The following ATXN2 variants were observed in gnomAD, a reference collection of about 807,000 sequenced individuals.
ATXN2 encodes ataxin 2.
In ATXN2, 37 loss-of-function variants were observed where a neutral mutation model predicts 138.6. The ratio of observed to expected loss-of-function variants is 0.27; its 90% confidence interval spans 0.21 to 0.35. The LOEUF is 0.35. Ranked by LOEUF, ATXN2 falls within the 10% of genes least tolerant of loss-of-function variation. The pLI, the probability that ATXN2 is intolerant of heterozygous loss-of-function variation, is 1.00. For missense variants in ATXN2, 1,216 were observed against 1,480.3 expected (o/e 0.82, Z 2.93); for synonymous variants, 549 against 543.7 (o/e 1.01, Z -0.13).
At chr12:111,585,639 T>C (rs1415142477) in intron 1 of ATXN2, among the ~76,000 whole-genome samples, 2 of 151,578 alleles carry the variant, frequency 1.3e-5, no homozygotes, top group African/African-American at 4.8e-5. Flanking sequence ...ACCCCGTCTC[T>C]ACTAAAAATA....
intron 18 of ATXN2, among the ~76,000 whole-genome samples, chr12:111,480,650 A>G (rs762663504): frequency 6.6e-5 from 10 of 152,180 alleles, no homozygotes; most frequent in African/African-American, 2.4e-4. Flanking sequence ...CATCAGAGCG[A>G]CACTCCATCT....
At chr12:111,536,768 C>T (rs564073000) in intron 5 of ATXN2, among the ~76,000 whole-genome samples, 1 of 151,114 alleles carries the variant, frequency 6.6e-6, no homozygotes, top group African/African-American at 2.4e-5. Context: ...AAACCTATGT[C>T]CACACGCAGT....
intron 1 of ATXN2, among the ~76,000 whole-genome samples, chr12:111,565,883 C>T (rs1196188989): frequency 1.3e-5 from 2 of 151,902 alleles, no homozygotes; most frequent in South Asian, 2.1e-4. Flanking sequence ...GTAATCCCAG[C>T]TACTCAGTAA....
intron 1 of ATXN2, among the ~76,000 whole-genome samples, chr12:111,562,069 C>T (rs1723932579): frequency 6.6e-6 from 1 of 151,806 alleles, no homozygotes; most frequent in Admixed American, 6.6e-5. Context: ...CCTCGGCCTT[C>T]CAAAGTGCTG....
At chr12:111,461,454 G>C (rs563429575) in intron 21 of ATXN2, 1 of 151,054 alleles carries the variant, frequency 6.6e-6, no homozygotes, top group South Asian at 2.1e-4. Flanking sequence ...TGGGCAACAA[G>C]AGCGAAACTC....
chr12:111,514,127 G>A (rs1297739312), intron 10 of ATXN2, among the ~76,000 whole-genome samples: 2 of 151,812 alleles, frequency 1.3e-5, no homozygotes, highest in Non-Finnish European at 1.5e-5. Flanking sequence ...TTTAAAACTC[G>A]GCTTAAAACA....
chr12:111,488,455 C>T (rs1566020321), intron 15 of ATXN2, 21 bp downstream of exon 15: 14 of 1,586,968 alleles, frequency 8.8e-6, no homozygotes, highest in Non-Finnish European at 1.2e-5. Flanking sequence ...ACAGGATGGT[C>T]TAAGTTCCAG....
At chr12:111,504,918 G>T (rs1169349463) in intron 14 of ATXN2, among the ~76,000 whole-genome samples, 3 of 152,142 alleles carry the variant, frequency 2.0e-5, no homozygotes, top group African/African-American at 7.2e-5. Context: ...AGGGCTCTTG[G>T]ATCTTGCACA....
chr12:111,480,959 T>C (rs1052335726), intron 18 of ATXN2, among the ~76,000 whole-genome samples: 1 of 152,078 alleles, frequency 6.6e-6, no homozygotes, highest in Non-Finnish European at 1.5e-5. Flanking sequence ...AACAGATAAA[T>C]TGAACTTCAT....
In ATXN2 at chr12:111,552,765, T is replaced by C. The variant is rs1882189381; in HGVS notation, c.420+141A>G. 1 of 614,518 alleles carries C rather than the reference T, an allele frequency of 1.6e-6. No individual in the cohort carries two copies. The highest frequency in any genetic ancestry group is 2.7e-6 in the Non-Finnish European group (1 of 370,240). 38.1% of individuals were successfully genotyped at this position (614,518 alleles called of 1,614,324 possible). ...CACACACATCAAGAAGCCTCTCTGA[T>C]TACACAAACCAGTCTATAAAATAAT... On this transcript the variant is annotated intron_variant, in intron 4 of 24. Transcript: ENST00000673436. The surrounding 1 kb of genome is among the most constrained non-coding windows in gnomAD (Gnocchi z 4.1).
chr12:111,541,215 A>G (rs944103108), intron 5 of ATXN2, among the ~76,000 whole-genome samples: 1 of 149,812 alleles, frequency 6.7e-6, no homozygotes, highest in African/African-American at 2.4e-5. Context: ...TTTGTCCCCA[A>G]TGTCCCAGAA....
intron 1 of ATXN2, among the ~76,000 whole-genome samples, chr12:111,563,893 T>C (rs1295119319): frequency 1.3e-5 from 2 of 152,206 alleles, no homozygotes; most frequent in Non-Finnish European, 2.9e-5. Flanking sequence ...GATGCTGTTT[T>C]CAACTCTCCA....
At chr12:111,547,005 T>C (rs751488866) in intron 5 of ATXN2, among the ~76,000 whole-genome samples, 1 of 152,244 alleles carries the variant, frequency 6.6e-6, no homozygotes, top group Non-Finnish European at 1.5e-5. Context: ...CACTGTACCG[T>C]AAGAAGTCAC....
At chr12:111,540,866 T>G (rs1881461919) in intron 5 of ATXN2, among the ~76,000 whole-genome samples, 1 of 149,764 alleles carries the variant, frequency 6.7e-6, no homozygotes, top group African/African-American at 2.4e-5. Flanking sequence ...GACTAATTTT[T>G]TTGTATTTTT....
chr12:111,566,796 C>T (rs946733159), intron 1 of ATXN2, among the ~76,000 whole-genome samples: 4 of 152,072 alleles, frequency 2.6e-5, no homozygotes, highest in Non-Finnish European at 4.4e-5. Context: ...GCCACCACAT[C>T]CCCGCTAATT....
At position 111,516,488 on chromosome 12, in the gene ATXN2, G is replaced by A. The variant is rs1233136193; in HGVS notation, c.1166-125C>T. On this transcript the variant is annotated intron_variant, in intron 9 of 24. Transcript: ENST00000673436. The surrounding 1 kb of genome is among the most constrained non-coding windows in gnomAD (Gnocchi z 5.0). ...TGTACATTTTAACCCTTTGAGGACA[G>A]TCATTTGATTTGTGATAAGTTTTAG... is the stretch of plus-strand genomic sequence containing the variant. The A allele has an allele frequency of 1.5e-5, 14 of 906,334 alleles. No homozygotes were observed. The highest frequency in any genetic ancestry group is 2.3e-5 in the Non-Finnish European group (14 of 608,906). 56.1% of individuals were successfully genotyped at this position (906,334 alleles called of 1,614,324 possible). A position where few individuals can be genotyped will look rare whatever the true frequency, so the allele number is the denominator to read the frequency against.
intron 1 of ATXN2, among the ~76,000 whole-genome samples, chr12:111,570,967 T>C (rs781692356): frequency 2.0e-5 from 3 of 152,374 alleles, no homozygotes; most frequent in Non-Finnish European, 4.4e-5. Context: ...TAGTTTCTAC[T>C]GGTTTCCAAA....
intron 6 of ATXN2, 67 bp from the exon 7 acceptor site, chr12:111,521,040 CAACAT>C: frequency 9.9e-7 from 1 of 1,014,422 alleles, no homozygotes; most frequent in Non-Finnish European, 1.5e-6. Context: ...CAGTTATAAC[CAACAT>C]CTATATTAAC....
chr12:111,529,660 A>C (rs1880703659), intron 5 of ATXN2, among the ~76,000 whole-genome samples: 1 of 152,128 alleles, frequency 6.6e-6, no homozygotes, highest in Non-Finnish European at 1.5e-5. Context: ...CCAACGTGTG[A>C]ACCTCTTCTG....
Sources: allele counts gnomAD v4.1 joint callset (sites outside exome capture counted in the v4.1 genomes callset), GRCh38; gene constraint gnomAD v4.1.1; non-coding constraint Gnocchi (gnomAD v3.1); transcripts MANE v1.5; gene names NCBI Gene and HGNC (gene_info 2026-07-23, HGNC 2026-07-21).